MYRIP: variants seen among roughly 807,000 people sequenced by gnomAD.
MYRIP encodes rab effector MyRIP.
In MYRIP, 49 loss-of-function variants were observed where a neutral mutation model predicts 98.0. The observed-to-expected ratio is 0.50, with a 90% CI of 0.40 to 0.63. The LOEUF (loss-of-function observed/expected upper bound fraction) is 0.63, where lower values mean the gene tolerates loss of function less well. Among genes scored for constraint, MYRIP ranks in the 30% least tolerant of loss-of-function variants. The pLI, the probability that MYRIP is intolerant of heterozygous loss-of-function variation, is 0.00. For missense variants in MYRIP, 1,004 were observed against 1,058.2 expected (o/e 0.95, Z 0.71); for synonymous variants, 404 against 409.5 (o/e 0.99, Z 0.16).
chr3:39,861,623 T>C (rs559594069), intron 1 of MYRIP, among the ~76,000 whole-genome samples: 1 of 152,204 alleles, frequency 6.6e-6, no homozygotes, highest in East Asian at 1.9e-4. Context: ...AGATGAAATA[T>C]GAAATGGCCA....
At chr3:40,209,299 G>A (rs1428204494) in intron 10 of MYRIP, 2 of 152,734 alleles carry the variant, frequency 1.3e-5, no homozygotes, top group East Asian at 3.9e-4. Context: ...ATGAGACCCT[G>A]TCTCTAAAAA....
At chr3:39,819,936 A>G (rs1441900024) in intron 1 of MYRIP, among the ~76,000 whole-genome samples, 1 of 152,260 alleles carries the variant, frequency 6.6e-6, no homozygotes, top group Non-Finnish European at 1.5e-5. Context: ...TTTATATAAC[A>G]TCATCTGGGG....
intron 2 of MYRIP, among the ~76,000 whole-genome samples, chr3:39,985,184 TCA>T (rs1946001894): frequency 6.6e-6 from 1 of 151,104 alleles, no homozygotes; most frequent in Admixed American, 6.6e-5. Flanking sequence ...GAGAGCCAAA[TCA>T]TGAGTGAACT....
intron 2 of MYRIP, among the ~76,000 whole-genome samples, chr3:39,923,168 T>C (rs1266169047): frequency 6.6e-6 from 1 of 151,300 alleles, no homozygotes; most frequent in East Asian, 1.9e-4. Context: ...GAAAGTAGAG[T>C]GGACTGAAAG....
rs570280624 is a variant in MYRIP at position 40,058,454 on chromosome 3, G to T, written c.332+14183G>T. ...GCATTTCATTTTTTTCTGCTCAAAAGTTTTAATCATCAAGCTAAGTTAATA... is the reference window on the plus strand; with the variant it reads ...GCATTTCATTTTTTTCTGCTCAAAATTTTTAATCATCAAGCTAAGTTAATA... On this transcript the variant is annotated intron_variant, in intron 3 of 16. Transcript: ENST00000302541. 2.0e-5 allele frequency among the ~76,000 whole-genome samples: 3 copies of T among 152,238 alleles called. No homozygotes were observed. The East Asian group carries it at 5.8e-4, about 29-fold the overall frequency.
intron 1 of MYRIP, among the ~76,000 whole-genome samples, chr3:39,875,875 A>G (rs1021297154): frequency 6.6e-6 from 1 of 151,992 alleles, no homozygotes; most frequent in Non-Finnish European, 1.5e-5. Context: ...TGCAGAGCTG[A>G]GTTCAATTCC....
rs141286231 is a variant in MYRIP, at chr3:39,960,769, C to T, written c.110+59843C>T. On this transcript the variant is annotated intron_variant, in intron 2 of 16. Coordinates refer to ENST00000302541, the MANE Select transcript of MYRIP (RefSeq NM_015460.4). ...CAGGTTGCTAATGAGGGAATCAAGG[C>T]AGAGGCAGATGTTTCCTTAAATGTG... Among the ~76,000 whole-genome samples, 810 of 152,268 alleles carry T rather than the reference C, an allele frequency of 5.3e-3. 5 individuals are homozygous for T. Among genetic ancestry groups the T allele is most frequent in the Non-Finnish European group, 8.9e-3 (608 of 68,022 alleles).
At chr3:40,102,279 G>A (rs1559401378) in intron 3 of MYRIP, among the ~76,000 whole-genome samples, 1 of 152,174 alleles carries the variant, frequency 6.6e-6, no homozygotes, top group Non-Finnish European at 1.5e-5. Context: ...GGGGACTAGA[G>A]GCCTAACTAT....
intron 3 of MYRIP, among the ~76,000 whole-genome samples, chr3:40,100,702 G>C (rs998478043): frequency 1.3e-5 from 2 of 152,182 alleles, no homozygotes; most frequent in African/African-American, 4.8e-5. Flanking sequence ...GTGAGTTTAA[G>C]AACATTGACT....
At chr3:40,178,438 A>G (rs545175196) in intron 8 of MYRIP, among the ~76,000 whole-genome samples, 1 of 152,300 alleles carries the variant, frequency 6.6e-6, no homozygotes. Context: ...GGCTTGCAGC[A>G]AAGGCTGTCA....
chr3:39,942,374 A>G (rs974253447), intron 2 of MYRIP, among the ~76,000 whole-genome samples: 2 of 152,154 alleles, frequency 1.3e-5, no homozygotes, highest in Non-Finnish European at 2.9e-5. Flanking sequence ...AGTATTTTAT[A>G]TATCTCCTAG....
At chr3:40,234,178 C>T in intron 12 of MYRIP, 125 bp downstream of exon 12, 1 of 960,256 alleles carries the variant, frequency 1.0e-6, no homozygotes. Flanking sequence ...ACCACTATAG[C>T]AAATACATTC....
intron 2 of MYRIP, among the ~76,000 whole-genome samples, chr3:39,994,937 T>C (rs989635355): frequency 1.3e-5 from 2 of 152,090 alleles, no homozygotes; most frequent in Non-Finnish European, 2.9e-5. Flanking sequence ...GGGTCTGGAG[T>C]GGACCTCCAG....
chr3:39,932,272 T>G (rs1193754659), intron 2 of MYRIP, among the ~76,000 whole-genome samples: 1 of 152,150 alleles, frequency 6.6e-6, no homozygotes, highest in Non-Finnish European at 1.5e-5. Flanking sequence ...CACTAATGTT[T>G]AAAGCGACAT....
intron 10 of MYRIP, among the ~76,000 whole-genome samples, chr3:40,196,311 T>C (rs1473244654): frequency 6.6e-6 from 1 of 152,180 alleles, no homozygotes; most frequent in African/African-American, 2.4e-5. Context: ...TTTTTCTATA[T>C]ATTCTGATAT....
intron 2 of MYRIP, among the ~76,000 whole-genome samples, chr3:39,961,461 A>G (rs778780076): frequency 6.6e-5 from 10 of 152,162 alleles, no homozygotes; most frequent in Non-Finnish European, 1.5e-4. Context: ...ATGTTACTCT[A>G]AACTGAATCA....
chr3:39,850,629 T>C lies in MYRIP; in HGVS notation c.-31+40713T>C, dbSNP rs80173124. On this transcript the variant is annotated intron_variant, in intron 1 of 16. Coordinates refer to ENST00000302541, the MANE Select transcript of MYRIP (RefSeq NM_015460.4). Reference sequence around the variant, plus strand: ...TTTTGAGAACAAATGGAACAGTAAATTTGAGCCTACTGTGTTTGATCACAA... The same window carrying C: ...TTTTGAGAACAAATGGAACAGTAAACTTGAGCCTACTGTGTTTGATCACAA... Among the ~76,000 whole-genome samples the C allele has an allele frequency of 5.9e-3, 901 of 152,332 alleles. 10 individuals carry two copies. Among genetic ancestry groups the C allele is most frequent in the African/African-American group, 0.021 (874 of 41,586 alleles).
chr3:40,099,420 A>C (rs1449227734), intron 3 of MYRIP, among the ~76,000 whole-genome samples: 1 of 152,184 alleles, frequency 6.6e-6, no homozygotes, highest in African/African-American at 2.4e-5. Flanking sequence ...AACCAGGGTG[A>C]AGGTGAGGAT....
chr3:40,098,347 A>G (rs1033417763), intron 3 of MYRIP, among the ~76,000 whole-genome samples: 4 of 152,218 alleles, frequency 2.6e-5, no homozygotes, highest in Admixed American at 6.5e-5. Context: ...AATGCAATAC[A>G]TTCCATAAAA....
Sources: gnomAD v4.1 joint callset for allele counts (sites outside exome capture counted in the v4.1 genomes callset) on GRCh38, gnomAD v4.1.1 for gene constraint, MANE v1.5 for transcripts, NCBI Gene and HGNC (gene_info 2026-07-23, HGNC 2026-07-21) for gene names.